KHDC1: variants seen among roughly 807,000 people sequenced by gnomAD.
KHDC1 encodes KH domain containing 1.
KHDC1 carries 21 observed loss-of-function variants against 24.7 expected under a neutral mutation model. The ratio of observed to expected loss-of-function variants is 0.85; its 90% confidence interval spans 0.60 to 1.23. The LOEUF (loss-of-function observed/expected upper bound fraction) is 1.23. Among genes scored for constraint, KHDC1 ranks in the 50% most tolerant of loss-of-function variants. The pLI is 0.00. For missense variants in KHDC1, 274 were observed against 298.5 expected, an observed-to-expected ratio of 0.92 and a Z score of 0.61; for synonymous variants, 98 against 111.7, an observed-to-expected ratio of 0.88 and a Z score of 0.77.
Position 73,301,633 on chromosome 6 carries a change from A to T in KHDC1, c.163+7919T>A, listed in dbSNP as rs184556373. Among the ~76,000 whole-genome samples the T allele has an allele frequency of 2.8e-3, 419 of 152,080 alleles. 4 individuals are homozygous for T. Among genetic ancestry groups the T allele is most frequent in the African/African-American group, 9.3e-3 (388 of 41,506 alleles). The stretch of plus-strand genomic sequence containing the variant: ...GTATAATGGTTTCTTAGGGTTTTTT[A>T]AATTTTTTTTTTCTTAGAGACAGTG... On this transcript the variant is annotated intron_variant, in intron 1 of 4. Coordinates refer to ENST00000370384, the Ensembl canonical transcript of KHDC1.
chr6:73,276,510 A>AAC (rs1470152869), intron 2 of KHDC1: 2 of 151,478 alleles, frequency 1.3e-5, no homozygotes, highest in Non-Finnish European at 2.9e-5. Context: ...TATTTAAAAA[A>AAC]AAAAAAACTA....
At chr6:73,242,978 G>A (rs147480893) in intron 2 of KHDC1, among the ~76,000 whole-genome samples, 1 of 152,256 alleles carries the variant, frequency 6.6e-6, no homozygotes, top group African/African-American at 2.4e-5. Context: ...TCAAGGGAGA[G>A]CAAACAACAC....
At chr6:73,251,593 C>T (rs1483819316) in intron 2 of KHDC1, among the ~76,000 whole-genome samples, 1 of 151,962 alleles carries the variant, frequency 6.6e-6, no homozygotes, top group Admixed American at 6.6e-5. Context: ...TGTCTGTATA[C>T]TGGAAAATAT....
chr6:73,280,514 C>CTTTT (rs55832102), intron 2 of KHDC1, among the ~76,000 whole-genome samples: 2 of 117,456 alleles, frequency 1.7e-5, no homozygotes, highest in East Asian at 2.6e-4. Context: ...TCTTTAATTT[C>CTTTT]TTTTTTTTTT....
chr6:73,249,689 T>C (rs1433726868), intron 2 of KHDC1, among the ~76,000 whole-genome samples: 1 of 152,198 alleles, frequency 6.6e-6, no homozygotes, highest in Non-Finnish European at 1.5e-5. Flanking sequence ...GACGGACACA[T>C]CTGAAACCAA....
intron 1 of KHDC1, among the ~76,000 whole-genome samples, chr6:73,305,246 A>G (rs920273497): frequency 2.6e-5 from 4 of 151,954 alleles, no homozygotes; most frequent in African/African-American, 4.8e-5. Flanking sequence ...CATCTCAAAA[A>G]TATATATATA....
chr6:73,296,899 ATATGTT>A (rs1394368483), intron 1 of KHDC1, among the ~76,000 whole-genome samples: 27 of 151,968 alleles, frequency 1.8e-4, no homozygotes, highest in African/African-American at 6.3e-4. Context: ...CATATGTACT[ATATGTT>A]TTTGTTTTTG....
intron 1 of KHDC1, among the ~76,000 whole-genome samples, chr6:73,296,174 G>T (rs1174474096): frequency 6.7e-6 from 1 of 149,542 alleles, no homozygotes; most frequent in African/African-American, 2.5e-5. Flanking sequence ...CACACACACG[G>T]CCAGGTGCGG....
In KHDC1 at chr6:73,262,688, C is replaced by T. The variant is rs891086115; in HGVS notation, c.207-20158G>A. ...ATCTCCTGTTTCCCCTGTTTTTACA[C>T]TTCTTTGCAGCTCACTTTCCTTATC... On this transcript the variant is annotated intron_variant, in intron 2 of 4. Coordinates refer to ENST00000370384, the Ensembl canonical transcript of KHDC1. The T allele has an allele frequency of 1.1e-5, 11 of 970,062 alleles. No homozygotes were observed. The African/African-American group carries it at 1.9e-4, about 17-fold the overall frequency. 60.1% of individuals were successfully genotyped at this position (970,062 alleles called of 1,614,324 possible).
intron 2 of KHDC1, among the ~76,000 whole-genome samples, chr6:73,283,167 C>T (rs752343815): frequency 5.3e-5 from 8 of 152,226 alleles, no homozygotes; most frequent in Admixed American, 3.9e-4. Flanking sequence ...GAAGTCATTA[C>T]GTATAGCTCA....
chr6:73,272,172 G>C (rs1248757125), intron 2 of KHDC1, among the ~76,000 whole-genome samples: 1 of 151,498 alleles, frequency 6.6e-6, no homozygotes, highest in Non-Finnish European at 1.5e-5. Context: ...ATTTTTGTTT[G>C]TTTGTTTTTG....
At chr6:73,292,642 T>G in intron 1 of KHDC1, 1 of 756,886 alleles carries the variant, frequency 1.3e-6, no homozygotes, top group Non-Finnish European at 2.5e-6. Flanking sequence ...CCCCAAAGGT[T>G]GTGATAATAT....
intron 1 of KHDC1, chr6:73,300,347 TG>T (rs1417784921): frequency 6.6e-6 from 1 of 152,176 alleles, no homozygotes; most frequent in African/African-American, 2.4e-5. Context: ...CACCACCTTC[TG>T]GTCTGTTAAT....
rs36010850 is a variant in KHDC1, at chr6:73,248,943, CAA to C, written c.207-6415_207-6414del. ...CTAGTATGGCCTTTATGTTGGGAGT[CAA>C]AAAAAAAAAAAAGAAAGAAAGAAAA... On this transcript the variant is annotated intron_variant, in intron 2 of 4. Coordinates refer to ENST00000370384, the Ensembl canonical transcript of KHDC1. Among the ~76,000 whole-genome samples the C allele has an allele frequency of 2.6e-3, 360 of 137,364 alleles. No individual in the cohort carries two copies. In the Middle Eastern group the frequency reaches 0.027, roughly 10 times the overall value. 90.1% of individuals were successfully genotyped at this position (137,364 alleles called of 152,430 possible).
intron 2 of KHDC1, chr6:73,276,265 T>C (rs1236678554): frequency 6.6e-6 from 1 of 151,932 alleles, no homozygotes; most frequent in Non-Finnish European, 1.5e-5. Context: ...GGCAGGTGGA[T>C]TGCCTGAGGT....
intron 2 of KHDC1, among the ~76,000 whole-genome samples, chr6:73,251,771 ATTCT>A (rs921905575): frequency 3.3e-5 from 5 of 151,328 alleles, no homozygotes; most frequent in African/African-American, 1.2e-4. Context: ...TTTTTAAAAA[ATTCT>A]TTTTTTTCCT....
intron 1 of KHDC1, among the ~76,000 whole-genome samples, chr6:73,308,070 A>AT (rs35521120): frequency 0.095 from 10,626 of 111,930 alleles, 751 homozygotes; most frequent in Admixed American, 0.17. Flanking sequence ...GGCCCAGCTA[A>AT]TTTTTTTTTT....
At chr6:73,304,479 G>A (rs1767927073) in intron 1 of KHDC1, among the ~76,000 whole-genome samples, 1 of 152,090 alleles carries the variant, frequency 6.6e-6, no homozygotes, top group African/African-American at 2.4e-5. Flanking sequence ...ATAAATATAT[G>A]TAATAGAGGC....
chr6:73,303,281 T>A (rs115380730), intron 1 of KHDC1, among the ~76,000 whole-genome samples: 10 of 151,896 alleles, frequency 6.6e-5, no homozygotes, highest in Admixed American at 2.6e-4. Context: ...TCAGGAGCCA[T>A]TGGTGAAGAA....
Sources: allele counts gnomAD v4.1 joint callset (sites outside exome capture counted in the v4.1 genomes callset), GRCh38; gene constraint gnomAD v4.1.1; transcripts MANE v1.5; gene names NCBI Gene and HGNC (gene_info 2026-07-23, HGNC 2026-07-21).